IQCH: variants seen among roughly 807,000 people sequenced by gnomAD.
IQCH encodes IQ domain-containing protein H.
A neutral mutation model predicts 117.0 loss-of-function variants in IQCH; 98 were observed. That is an observed-to-expected ratio of 0.84 (90% CI 0.71 to 0.99). The LOEUF (loss-of-function observed/expected upper bound fraction) is 0.99. IQCH is among the 50% of genes least tolerant of loss of function. The probability of loss-of-function intolerance (pLI) is 0.00; values close to 1 mark genes in which losing one functional copy is unlikely to be tolerated. For missense variants in IQCH, 1,102 were observed against 1,243.8 expected (o/e 0.89, Z 1.72); for synonymous variants, 412 against 448.2 (o/e 0.92, Z 1.02).
In IQCH at chr15:67,312,221, A is replaced by G. The variant is rs146515878; in HGVS notation, c.388-24754A>G. ...GGTCCATGGGTAGAACTGTATTTCA[A>G]TAGACAGAGGGAACTGTGTCACACC... is the stretch of plus-strand genomic sequence containing the variant. On this transcript the variant is annotated intron_variant, in intron 4 of 20. Coordinates refer to ENST00000335894, the MANE Select transcript of IQCH (RefSeq NM_001031715.3). Among the ~76,000 whole-genome samples the G allele has an allele frequency of 3.0e-3, 450 of 152,110 alleles. 12 individuals are homozygous for G. The highest frequency in any genetic ancestry group is 0.027 in the Admixed American group (411 of 15,272).
rs1171417560 is a variant in IQCH at position 67,405,832 on chromosome 15, A to G, written c.2097+5527A>G. Reference sequence around the variant, plus strand: ...TTTCCAGAGATTTGTGGGAAACGCAAATATTCCTGGAACACAGAGGCCACT... The same window carrying G: ...TTTCCAGAGATTTGTGGGAAACGCAGATATTCCTGGAACACAGAGGCCACT... On this transcript the variant is annotated intron_variant, in intron 14 of 20. Transcript: ENST00000335894. The surrounding 1 kb of genome is among the most constrained non-coding windows in gnomAD (Gnocchi z 4.8). 6.6e-6 allele frequency: 1 copy of G among 152,212 alleles called. No homozygotes were observed. The highest frequency in any genetic ancestry group is 2.4e-5 in the African/African-American group (1 of 41,458). The allele number at this position is 152,212 out of a possible 1,614,324, so 9.4% of individuals were successfully genotyped here.
At position 67,411,621 on chromosome 15, in the gene IQCH, A is replaced by G. The variant is rs553774106; in HGVS notation, c.2098-5310A>G. Among the ~76,000 whole-genome samples the G allele has an allele frequency of 1.8e-4, 27 of 152,150 alleles. No homozygotes were observed. The highest frequency in any genetic ancestry group is 1.4e-3 in the Admixed American group (22 of 15,298). The stretch of plus-strand genomic sequence containing the variant: ...ATTGGCACATGACCCAATTACACCA[A>G]TGTGTGTCTGTATGTGTGTATGTGT... On this transcript the variant is annotated intron_variant, in intron 14 of 20. Transcript: ENST00000335894. The surrounding 1 kb of genome is among the most constrained non-coding windows in gnomAD (Gnocchi z 4.4).
intron 15 of IQCH, among the ~76,000 whole-genome samples, chr15:67,419,144 GC>G (rs2081658324): frequency 6.6e-6 from 1 of 152,128 alleles, no homozygotes; most frequent in South Asian, 2.1e-4. Context: ...TTTATGGAGA[GC>G]AGTACAAGCC....
chr15:67,390,111 G>A lies in IQCH; in HGVS notation c.1632+1105G>A, dbSNP rs1050533695. ...TTCTGACTGTGAAAGAGGAAGGTAAGGACAGGGGCTGGGGAAGCAAAAGAA... is the reference window on the plus strand; with the variant it reads ...TTCTGACTGTGAAAGAGGAAGGTAAAGACAGGGGCTGGGGAAGCAAAAGAA... On this transcript the variant is annotated intron_variant, in intron 12 of 20. Transcript: ENST00000335894. This position sits in a 1 kb window ranked among gnomAD's most constrained non-coding sequence, Gnocchi z 5.0. Among the ~76,000 whole-genome samples the A allele has an allele frequency of 6.6e-6, 1 of 152,268 alleles. No individual in the cohort carries two copies. The highest frequency in any genetic ancestry group is 6.5e-5 in the Admixed American group (1 of 15,296).
At position 67,465,348 on chromosome 15, in the gene IQCH, G is replaced by C. The variant is rs903374435; in HGVS notation, c.2676+51G>C. The C allele has an allele frequency of 4.5e-6, 7 of 1,566,822 alleles. No homozygotes were observed. In the African/African-American group the frequency reaches 9.4e-5, roughly 21 times the overall value. ...TTCTCGGTGTTCAGCAACACCCACT[G>C]CCACTGCCTGAGCTCTGTCTAGGAG... On this transcript the variant is annotated intron_variant, in intron 17 of 20. Coordinates refer to ENST00000335894, the MANE Select transcript of IQCH (RefSeq NM_001031715.3). The surrounding 1 kb of genome is among the most constrained non-coding windows in gnomAD (Gnocchi z 5.9).
intron 8 of IQCH, among the ~76,000 whole-genome samples, chr15:67,362,225 G>A (rs890083472): frequency 1.1e-4 from 17 of 151,620 alleles, no homozygotes; most frequent in Admixed American, 1.1e-3. Flanking sequence ...AAATGTGTCC[G>A]TGGTAGTTTT....
At position 67,395,059 on chromosome 15, in the gene IQCH, C is replaced by T. The variant is rs4776925; in HGVS notation, c.1633-232C>T. Among the ~76,000 whole-genome samples, 150,450 of 152,286 alleles carry T rather than the reference C, an allele frequency of 0.99. 74,346 individuals carry two copies. The highest frequency in any genetic ancestry group is 1 in the Middle Eastern group (294 of 294). On this transcript the variant is annotated intron_variant, in intron 12 of 20. Coordinates refer to ENST00000335894, the MANE Select transcript of IQCH (RefSeq NM_001031715.3). The surrounding 1 kb of genome is among the most constrained non-coding windows in gnomAD (Gnocchi z 4.0). ...TCCACGTGGATCAAATAAATACAGA[C>T]GTGTAGTAATTAGTTCTATTCCCAG...
intron 16 of IQCH, among the ~76,000 whole-genome samples, chr15:67,439,245 T>G (rs774831709): frequency 3.3e-5 from 5 of 152,086 alleles, no homozygotes; most frequent in Non-Finnish European, 5.9e-5. Context: ...GAAATCAACT[T>G]GAAAAGGAAT....
At chr15:67,444,946 G>A (rs565924057) in intron 16 of IQCH, among the ~76,000 whole-genome samples, 4 of 152,276 alleles carry the variant, frequency 2.6e-5, no homozygotes, top group South Asian at 4.1e-4. Flanking sequence ...GGATTCTGAA[G>A]GGGATGTTTA....
Position 67,372,106 on chromosome 15 carries a change from C to T in IQCH, c.754-5C>T. 2 of 1,576,978 alleles carry T rather than the reference C, an allele frequency of 1.3e-6. No individual in the cohort carries two copies. Among genetic ancestry groups the T allele is most frequent in the East Asian group, 2.2e-5 (1 of 44,532 alleles). ...CTTCTAAAATATATTTCTTTTTTTC[C>T]ACAGGCCATGAAAGTCAAAACACCT... On this transcript the variant is annotated splice_region_variant and splice_polypyrimidine_tract_variant and intron_variant, in intron 8 of 20. Coordinates refer to ENST00000335894, the MANE Select transcript of IQCH (RefSeq NM_001031715.3).
chr15:67,399,595 A>G (rs989668363), intron 13 of IQCH, among the ~76,000 whole-genome samples: 8 of 152,218 alleles, frequency 5.3e-5, no homozygotes, highest in Non-Finnish European at 7.3e-5. Flanking sequence ...AACTTGGCCA[A>G]TTGGCCAGCC....
Position 67,459,285 on chromosome 15 carries a change from C to A in IQCH, c.2506-5842C>A, listed in dbSNP as rs2082732051. Among the ~76,000 whole-genome samples, 1 of 152,172 alleles carries A rather than the reference C, an allele frequency of 6.6e-6. No individual in the cohort carries two copies. The highest frequency in any genetic ancestry group is 2.1e-4 in the South Asian group (1 of 4,824). Reference sequence around the variant, plus strand: ...TTCATAAAGCTCTGAAATCCTGATTCTTCAGTGAGTGTTATTTGATCTATA... The same window carrying A: ...TTCATAAAGCTCTGAAATCCTGATTATTCAGTGAGTGTTATTTGATCTATA... On this transcript the variant is annotated intron_variant, in intron 16 of 20. Transcript: ENST00000335894. The surrounding 1 kb of genome is among the most constrained non-coding windows in gnomAD (Gnocchi z 4.2).
chr15:67,298,144 A>G (rs1482530090), intron 4 of IQCH, among the ~76,000 whole-genome samples: 4 of 152,090 alleles, frequency 2.6e-5, no homozygotes, highest in Admixed American at 2.6e-4. Flanking sequence ...CCCCGTCTCT[A>G]CTAAAAATAC....
intron 16 of IQCH, among the ~76,000 whole-genome samples, chr15:67,438,089 A>G (rs1197590788): frequency 6.6e-6 from 1 of 152,222 alleles, no homozygotes; most frequent in Non-Finnish European, 1.5e-5. Flanking sequence ...ACCTAGGCAC[A>G]TTGTCATCAG....
chr15:67,437,544 T>C (rs1374181157), intron 16 of IQCH, among the ~76,000 whole-genome samples: 2 of 152,120 alleles, frequency 1.3e-5, no homozygotes, highest in African/African-American at 4.8e-5. Flanking sequence ...GCAATGGATC[T>C]AAACCAAGAA....
chr15:67,255,944 G>A (rs553347768), intron 1 of IQCH, among the ~76,000 whole-genome samples: 2 of 152,226 alleles, frequency 1.3e-5, no homozygotes, highest in Non-Finnish European at 2.9e-5. Flanking sequence ...GCCAAACTGC[G>A]AAGTCTGAGG....
At chr15:67,418,513 C>CCACACACACACACACACACACACA (rs368875296) in intron 15 of IQCH, among the ~76,000 whole-genome samples, 8 of 114,092 alleles carry the variant, frequency 7.0e-5, no homozygotes, top group Non-Finnish European at 1.0e-4. Context: ...CAAGTGGCTA[C>CCACACACACACACACACACACACA]CACACACACA....
intron 16 of IQCH, among the ~76,000 whole-genome samples, chr15:67,441,179 A>C (rs571015418): frequency 6.8e-6 from 1 of 148,048 alleles, no homozygotes; most frequent in Non-Finnish European, 1.5e-5. Flanking sequence ...TACCTAACCA[A>C]GGAGTCAAAA....
In IQCH at chr15:67,429,963, A is replaced by T. The variant is rs145816369; in HGVS notation, c.2505+8386A>T. On this transcript the variant is annotated intron_variant, in intron 16 of 20. Coordinates refer to ENST00000335894, the MANE Select transcript of IQCH (RefSeq NM_001031715.3). Reference sequence around the variant, plus strand: ...ATATTGGAAGCATCAAGTAGAACACACGGTCATTTTGTAATCAAGGAAGAA... The same window carrying T: ...ATATTGGAAGCATCAAGTAGAACACTCGGTCATTTTGTAATCAAGGAAGAA... 3.7e-3 allele frequency among the ~76,000 whole-genome samples: 570 copies of T among 152,286 alleles called. 2 individuals are homozygous for T. Among genetic ancestry groups the T allele is most frequent in the Non-Finnish European group, 6.1e-3 (416 of 68,022 alleles).
Sources: gnomAD v4.1 joint callset for allele counts (sites outside exome capture counted in the v4.1 genomes callset) on GRCh38, gnomAD v4.1.1 for gene constraint, Gnocchi (gnomAD v3.1) non-coding constraint, MANE v1.5 for transcripts, NCBI Gene and HGNC (gene_info 2026-07-23, HGNC 2026-07-21) for gene names.